CDKAL1: variants seen among roughly 807,000 people sequenced by gnomAD.
The protein encoded by CDKAL1 is CDKAL1 threonylcarbamoyladenosine tRNA methylthiotransferase.
In CDKAL1, 32 loss-of-function variants were observed where a neutral mutation model predicts 68.2. The observed-to-expected ratio is 0.47, with a 90% CI of 0.35 to 0.63. The LOEUF is 0.63. Among genes scored for constraint, CDKAL1 ranks in the 30% least tolerant of loss-of-function variants. The pLI, the probability that CDKAL1 is intolerant of heterozygous loss-of-function variation, is 0.00. For missense variants in CDKAL1, 606 were observed against 696.7 expected (o/e 0.87, Z 1.47); for synonymous variants, 234 against 244.3 (o/e 0.96, Z 0.39).
chr6:20,756,350 C>T (rs925694959), intron 6 of CDKAL1: 4 of 152,190 alleles, frequency 2.6e-5, no homozygotes, highest in Admixed American at 1.3e-4. Flanking sequence ...TGTTTTCTTA[C>T]GTATAATTCA....
intron 9 of CDKAL1, among the ~76,000 whole-genome samples, chr6:20,935,191 G>T (rs977159265): frequency 6.6e-6 from 1 of 152,012 alleles, no homozygotes; most frequent in Non-Finnish European, 1.5e-5. Flanking sequence ...ACCATGCCTG[G>T]CCTGTACATA....
intron 13 of CDKAL1, among the ~76,000 whole-genome samples, chr6:21,169,927 C>CCA (rs576933113): frequency 3.8e-5 from 5 of 133,286 alleles, no homozygotes; most frequent in Admixed American, 1.7e-4. Flanking sequence ...AAAGACCCCC[C>CCA]CCACCCCATG....
rs1042530438 is a variant in CDKAL1, at chr6:21,028,592, A to G, written c.1055+28220A>G. Among the ~76,000 whole-genome samples the G allele has an allele frequency of 4.6e-5, 7 of 152,220 alleles. No individual in the cohort carries two copies. In the Middle Eastern group the frequency reaches 0.01, roughly 222 times the overall value. On this transcript the variant is annotated intron_variant, in intron 11 of 15. Coordinates refer to ENST00000274695, the MANE Select transcript of CDKAL1 (RefSeq NM_017774.3). ...CTTTCCCTATAAGGACACCAATTCT[A>G]TCAGCTCAGGGCTCCACCCTTAAGA...
chr6:20,968,075 G>A (rs1424618606), intron 10 of CDKAL1, among the ~76,000 whole-genome samples: 2 of 151,294 alleles, frequency 1.3e-5, no homozygotes, highest in Admixed American at 6.6e-5. Context: ...GTGTCTGGGT[G>A]TAGATCTCTT....
intron 5 of CDKAL1, among the ~76,000 whole-genome samples, chr6:20,661,713 A>C (rs1399235982): frequency 6.6e-6 from 1 of 152,142 alleles, no homozygotes; most frequent in African/African-American, 2.4e-5. Flanking sequence ...TGCAAAACTG[A>C]GTTTTGTAGA....
intron 13 of CDKAL1, among the ~76,000 whole-genome samples, chr6:21,146,505 CTT>C (rs1267794470): frequency 6.6e-6 from 1 of 152,216 alleles, no homozygotes; most frequent in Admixed American, 6.5e-5. Context: ...GAGGAAAACT[CTT>C]TTTGACAGCC....
intron 12 of CDKAL1, among the ~76,000 whole-genome samples, chr6:21,067,427 C>T (rs528056219): frequency 3.0e-4 from 45 of 152,184 alleles, no homozygotes; most frequent in Non-Finnish European, 5.0e-4. Flanking sequence ...CTACAGCATG[C>T]GTATATATAT....
intron 4 of CDKAL1, among the ~76,000 whole-genome samples, chr6:20,567,687 A>G (rs903186297): frequency 3.9e-5 from 6 of 152,040 alleles, no homozygotes; most frequent in Non-Finnish European, 8.8e-5. Context: ...TTATTTATCT[A>G]GTCTCAGCTT....
chr6:20,877,699 C>T (rs1055501551), intron 9 of CDKAL1, among the ~76,000 whole-genome samples: 6 of 152,166 alleles, frequency 3.9e-5, no homozygotes, highest in African/African-American at 1.4e-4. Flanking sequence ...ATGACTTAGT[C>T]CTTGTTTTAA....
chr6:20,753,281 G>A (rs1427694514), intron 6 of CDKAL1, among the ~76,000 whole-genome samples: 1 of 152,018 alleles, frequency 6.6e-6, no homozygotes, highest in Non-Finnish European at 1.5e-5. Flanking sequence ...CTTTCACTTT[G>A]CATTTATAGC....
At chr6:20,668,774 A>G (rs73377309) in intron 5 of CDKAL1, among the ~76,000 whole-genome samples, 1,737 of 152,286 alleles carry the variant, frequency 0.011, 30 homozygotes, top group African/African-American at 0.035. Context: ...CATTGCATTT[A>G]GTTGTCATTC....
chr6:20,934,553 A>C (rs1051372815), intron 9 of CDKAL1, among the ~76,000 whole-genome samples: 1 of 152,132 alleles, frequency 6.6e-6, no homozygotes, highest in African/African-American at 2.4e-5. Context: ...ATTAACAAAA[A>C]AAAAGTCCTA....
rs549409203 is a variant in CDKAL1, at chr6:21,070,053, G to T, written c.1236+4825G>T. ...GATCCACCCGCCTCAGCCTCCCAAA[G>T]TGCTGGGATTACAGGCATGAGCCAG... On this transcript the variant is annotated intron_variant, in intron 12 of 15. Coordinates refer to ENST00000274695, the MANE Select transcript of CDKAL1 (RefSeq NM_017774.3). 1.0e-3 allele frequency among the ~76,000 whole-genome samples: 154 copies of T among 152,080 alleles called. 1 individual carries two copies. Among genetic ancestry groups the T allele is most frequent in the African/African-American group, 3.4e-3 (143 of 41,498 alleles).
chr6:20,615,898 G>T (rs1581828170), intron 4 of CDKAL1, among the ~76,000 whole-genome samples: 1 of 144,290 alleles, frequency 6.9e-6, no homozygotes, highest in East Asian at 2.2e-4. Context: ...TTCTTCTAGG[G>T]TTTTTATGGT....
intron 5 of CDKAL1, among the ~76,000 whole-genome samples, chr6:20,652,410 C>G (rs1389870014): frequency 1.3e-5 from 2 of 152,072 alleles, no homozygotes; most frequent in Non-Finnish European, 1.5e-5. Context: ...CATATTAAGT[C>G]CTTGCTTCTT....
At chr6:20,675,556 TATCACCTGG>T (rs1770049523) in intron 5 of CDKAL1, among the ~76,000 whole-genome samples, 1 of 152,318 alleles carries the variant, frequency 6.6e-6, no homozygotes, top group African/African-American at 2.4e-5. Flanking sequence ...GAAAAATTGT[TATCACCTGG>T]TTATATCATA....
chr6:20,987,169 T>G (rs1438094066), intron 10 of CDKAL1, among the ~76,000 whole-genome samples: 2 of 152,222 alleles, frequency 1.3e-5, no homozygotes, highest in African/African-American at 4.8e-5. Flanking sequence ...GCCTTAAGTT[T>G]TGGTTACCTA....
chr6:20,780,099 T>TA lies in CDKAL1; in HGVS notation c.518-1025dup, dbSNP rs745598145. Among the ~76,000 whole-genome samples the TA allele has an allele frequency of 7.8e-3, 691 of 89,110 alleles. 7 individuals are homozygous for TA. The highest frequency in any genetic ancestry group is 0.04 in the East Asian group (121 of 3,044). The allele number at this position is 89,110 out of a possible 152,430, so 58.5% of individuals were successfully genotyped here. Reference sequence around the variant, plus strand: ...CCCTGTCTCTTAAAAAACCTAACCTTAAAAAAAAAAAAAAAAAAAAAGACA... The same window carrying TA: ...CCCTGTCTCTTAAAAAACCTAACCTTAAAAAAAAAAAAAAAAAAAAAAGACA... On this transcript the variant is annotated intron_variant, in intron 7 of 15. Transcript: ENST00000274695.
intron 8 of CDKAL1, among the ~76,000 whole-genome samples, chr6:20,829,874 TTTA>T (rs771315880): frequency 6.4e-4 from 97 of 152,316 alleles, no homozygotes; most frequent in South Asian, 1.5e-3. Flanking sequence ...GTTATTTACT[TTTA>T]TTATTATTAT....
Sources: gnomAD v4.1 joint callset for allele counts (sites outside exome capture counted in the v4.1 genomes callset) on GRCh38, gnomAD v4.1.1 for gene constraint, MANE v1.5 for transcripts, NCBI Gene and HGNC (gene_info 2026-07-23, HGNC 2026-07-21) for gene names.